KDM2B: variants seen among roughly 807,000 people sequenced by gnomAD.
KDM2B encodes the protein lysine demethylase 2B, also known as lysine-specific demethylase 2B.
Under a neutral mutation model 150.0 loss-of-function variants are expected in KDM2B, and 26 were observed. The ratio of observed to expected loss-of-function variants is 0.17; its 90% CI spans 0.13 to 0.24. The LOEUF is 0.24. Among genes scored for constraint, KDM2B ranks in the 10% least tolerant of loss-of-function variants. The pLI is 1.00. For missense variants in KDM2B, 1,265 were observed against 1,816.9 expected (o/e 0.70, Z 5.52); for synonymous variants, 734 against 729.5 (o/e 1.01, Z -0.10).
chr12:121,562,364 A>G lies in KDM2B; in HGVS notation c.397+12183T>C, dbSNP rs139137167. ...CCGGGCGTGGTGGTATGAGCCTGTA[A>G]TCCCAGCTACTCAGGAGGCTGAGCC... On this transcript the variant is annotated intron_variant, in intron 4 of 22. Coordinates refer to ENST00000377071, the MANE Select transcript of KDM2B (RefSeq NM_032590.5). Among the ~76,000 whole-genome samples, 86 of 152,118 alleles carry G rather than the reference A, an allele frequency of 5.7e-4. 2 individuals carry two copies. In the East Asian group the frequency reaches 0.016, roughly 29 times the overall value.
At chr12:121,417,947 C>A in the KDM2B span, 1 of 1,592,822 alleles carries the variant, frequency 6.3e-7, no homozygotes, top group Non-Finnish European at 8.5e-7. The surrounding 1 kb of genome is among the most constrained non-coding windows in gnomAD (Gnocchi z 5.0). Context: ...CAGGGCCCGG[C>A]ACGCTTATTC....
At chr12:121,510,973 A>G (rs1593998881) in intron 10 of KDM2B, among the ~76,000 whole-genome samples, 1 of 151,462 alleles carries the variant, frequency 6.6e-6, no homozygotes, top group Admixed American at 6.6e-5. Context: ...AGATGAGACA[A>G]CAGCTGAAGG....
At chr12:121,548,151 C>T (rs1889212192) in intron 6 of KDM2B, among the ~76,000 whole-genome samples, 1 of 152,096 alleles carries the variant, frequency 6.6e-6, no homozygotes. Context: ...GTGACTCACG[C>T]CTGTACTTGG....
At chr12:121,557,760 TGA>T (rs1283697569) in intron 4 of KDM2B, among the ~76,000 whole-genome samples, 2 of 152,160 alleles carry the variant, frequency 1.3e-5, no homozygotes, top group Non-Finnish European at 2.9e-5. Flanking sequence ...TGCAGAAGTG[TGA>T]GAGAATAAAC....
chr12:121,442,730 G>T lies in KDM2B; in HGVS notation c.2711C>A (p.Thr904Asn). 1 of 1,564,180 alleles carries T rather than the reference G, an allele frequency of 6.4e-7. No individual in the cohort carries two copies. The highest frequency in any genetic ancestry group is 2.2e-5 in the East Asian group (1 of 44,484). Residue 904 changes from threonine (T) to asparagine (N), a missense_variant, in exon 19 of 23, where the codon ACC (threonine) becomes AAC (asparagine). Coordinates refer to ENST00000377071, the MANE Select transcript of KDM2B (RefSeq NM_032590.5). The surrounding 1 kb of genome is among the most constrained non-coding windows in gnomAD (Gnocchi z 7.7). ...GGAGCGGGAGTGGTCGCTCTCCCTG[G>T]TCTTGGGGGGCGCCTCGGGCAGTTC... ...EDELPEAPPKTRESDHSRSSS... is the reference protein window; with the variant it reads ...EDELPEAPPKNRESDHSRSSS...
At position 121,473,058 on chromosome 12, in the gene KDM2B, T is replaced by C. The variant is rs909398190; in HGVS notation, c.1735-19714A>G. On this transcript the variant is annotated intron_variant, in intron 12 of 22. Coordinates refer to ENST00000377071, the MANE Select transcript of KDM2B (RefSeq NM_032590.5). ...ATAAGATCTGAAGTTCTGTGGACCA[T>C]AGACTCCAAACAAAAGCCCAAATCC... Among the ~76,000 whole-genome samples, 5 of 152,264 alleles carry C rather than the reference T, an allele frequency of 3.3e-5. No homozygotes were observed. The South Asian group carries it at 6.2e-4, about 19-fold the overall frequency.
chr12:121,517,904 AG>A lies in KDM2B; in HGVS notation c.1047+3080del, dbSNP rs1202292254. Among the ~76,000 whole-genome samples the A allele has an allele frequency of 5.4e-5, 8 of 148,248 alleles. No individual in the cohort carries two copies. The East Asian group carries it at 6.3e-4, about 12-fold the overall frequency. ...TAGGACTCTTAAAACACTTTTTTTG[AG>A]GGGGGGGATGGAGTTTCGCTCTTGT... On this transcript the variant is annotated intron_variant, in intron 9 of 22. Transcript: ENST00000377071.
At chr12:121,483,457 G>C (rs2140098200) in intron 12 of KDM2B, among the ~76,000 whole-genome samples, 1 of 152,080 alleles carries the variant, frequency 6.6e-6, no homozygotes, top group Admixed American at 6.6e-5. Context: ...CGGATCTCTT[G>C]AGCCCAGGAG....
rs1885759376 is a variant in KDM2B, at chr12:121,513,447, C to T, written c.1048-45G>A. On this transcript the variant is annotated intron_variant, in intron 9 of 22. Coordinates refer to ENST00000377071, the MANE Select transcript of KDM2B (RefSeq NM_032590.5). The surrounding 1 kb of genome is among the most constrained non-coding windows in gnomAD (Gnocchi z 5.0). ...CAGGCAGAGGTCAGTTTCCAGAGGG[C>T]GAAGGGGGAAGGAGGGAGAGAAGTG... 2 of 1,595,504 alleles carry T rather than the reference C, an allele frequency of 1.3e-6. No individual in the cohort carries two copies. Among genetic ancestry groups the T allele is most frequent in the Admixed American group, 1.7e-5 (1 of 59,712 alleles).
chr12:121,566,638 A>T (rs1890725361), intron 4 of KDM2B, among the ~76,000 whole-genome samples: 1 of 151,654 alleles, frequency 6.6e-6, no homozygotes, highest in Non-Finnish European at 1.5e-5. Flanking sequence ...ATAAATAAAT[A>T]AATAAAAATT....
intron 1 of KDM2B, 35 bp from the exon 2 acceptor site, chr12:121,578,981 A>T: frequency 6.3e-7 from 1 of 1,597,482 alleles, no homozygotes; most frequent in Non-Finnish European, 8.5e-7. Context: ...CCGGGACATT[A>T]TTGTGGGGGC....
Position 121,533,062 on chromosome 12 carries a change from G to C in KDM2B, c.778-103C>G. On this transcript the variant is annotated intron_variant, in intron 7 of 22. Coordinates refer to ENST00000377071, the MANE Select transcript of KDM2B (RefSeq NM_032590.5). The surrounding 1 kb of genome is among the most constrained non-coding windows in gnomAD (Gnocchi z 4.1). ...GGAAGGGGAGGGGGCGAGACAAGCT[G>C]TGTGTGGGGTGGGGGGTGTGGAGAG... 8.7e-7 allele frequency: 1 copy of C among 1,145,602 alleles called. No homozygotes were observed. The highest frequency in any genetic ancestry group is 1.3e-6 in the Non-Finnish European group (1 of 793,176). 71.0% of individuals were successfully genotyped at this position (1,145,602 alleles called of 1,614,324 possible). A position where few individuals can be genotyped will look rare whatever the true frequency, so the allele number is the denominator to read the frequency against.
At chr12:121,483,465 G>C (rs1437004466) in intron 12 of KDM2B, among the ~76,000 whole-genome samples, 1 of 151,812 alleles carries the variant, frequency 6.6e-6, no homozygotes, top group Non-Finnish European at 1.5e-5. Flanking sequence ...TTGAGCCCAG[G>C]AGATTGAGAC....
At position 121,575,672 on chromosome 12, in the gene KDM2B, T is replaced by C. The variant is rs1555316752; in HGVS notation, c.350+109A>G. The C allele has an allele frequency of 7.5e-6, 6 of 805,318 alleles. No individual in the cohort carries two copies. The highest frequency in any genetic ancestry group is 1.3e-5 in the Non-Finnish European group (6 of 460,536). 49.9% of individuals were successfully genotyped at this position (805,318 alleles called of 1,614,324 possible). On this transcript the variant is annotated intron_variant, in intron 3 of 22. Transcript: ENST00000377071. This position sits in a 1 kb window ranked among gnomAD's most constrained non-coding sequence, Gnocchi z 4.4. ...GCTGTTCCCAGATCGTGAAAAAAGATCCTTCTCAGTGATGAGAGGTGGGAA... is the reference window on the plus strand; with the variant it reads ...GCTGTTCCCAGATCGTGAAAAAAGACCCTTCTCAGTGATGAGAGGTGGGAA...
intron 6 of KDM2B, among the ~76,000 whole-genome samples, chr12:121,546,793 T>TC (rs1173768448): frequency 6.6e-6 from 1 of 151,020 alleles, no homozygotes; most frequent in Non-Finnish European, 1.5e-5. Context: ...GTAAGCTCCA[T>TC]CTCCCAGGTT....
intron 13 of KDM2B, among the ~76,000 whole-genome samples, chr12:121,446,945 C>T (rs1876378502): frequency 6.6e-6 from 1 of 152,186 alleles, no homozygotes; most frequent in Non-Finnish European, 1.5e-5. Context: ...GGTGTTACAA[C>T]ATCATGCCTG....
intron 4 of KDM2B, among the ~76,000 whole-genome samples, chr12:121,559,092 C>G (rs547360553): frequency 6.6e-6 from 1 of 152,314 alleles, no homozygotes; most frequent in African/African-American, 2.4e-5. Context: ...CCCTCTGATG[C>G]AAGGGAGTCA....
At chr12:121,410,226 T>C in the KDM2B span, among the ~76,000 whole-genome samples, 1 of 150,614 alleles carries the variant, frequency 6.6e-6, no homozygotes, top group Non-Finnish European at 1.5e-5. Context: ...AAAGGGGAGA[T>C]GGAAATTAAA....
chr12:121,571,729 C>CA lies in KDM2B; in HGVS notation c.397+2817dup, dbSNP rs557037882. ...GCAGTGGCGCAATCTTGGCTCACTA[C>CA]AACCTCTGCCTCCCGGGTTCAAGAG... On this transcript the variant is annotated intron_variant, in intron 4 of 22. Transcript: ENST00000377071. Among the ~76,000 whole-genome samples, 25 of 151,142 alleles carry CA rather than the reference C, an allele frequency of 1.7e-4. No homozygotes were observed. The East Asian group carries it at 4.9e-3, about 29-fold the overall frequency.
Sources: gnomAD v4.1 joint callset for allele counts (sites outside exome capture counted in the v4.1 genomes callset) on GRCh38, gnomAD v4.1.1 for gene constraint, Gnocchi (gnomAD v3.1) non-coding constraint, MANE v1.5 for transcripts, NCBI Gene and HGNC (gene_info 2026-07-23, HGNC 2026-07-21) for gene names.